The following BTC variants were observed in gnomAD, a reference collection of about 807,000 sequenced individuals.
BTC encodes the protein betacellulin, also known as probetacellulin.
BTC carries 13 observed loss-of-function variants against 18.1 expected under a neutral mutation model. The observed-to-expected ratio is 0.72, with a 90% CI of 0.47 to 1.14. The LOEUF (loss-of-function observed/expected upper bound fraction) is 1.14, where lower values mean the gene tolerates loss of function less well. Ranked by LOEUF, BTC falls within the 50% of genes most tolerant of loss-of-function variation. BTC has a pLI of 0.00. For missense variants in BTC, 247 were observed against 224.2 expected, an observed-to-expected ratio of 1.10 and a Z score of -0.65; for synonymous variants, 83 against 79.4, an observed-to-expected ratio of 1.05 and a Z score of -0.24.
At chr4:74,767,100 G>T (rs1407332032) in intron 2 of BTC, among the ~76,000 whole-genome samples, 1 of 143,612 alleles carries the variant, frequency 7.0e-6, no homozygotes, top group Non-Finnish European at 1.6e-5. Context: ...AAAATAGAAG[G>T]AATCTAAATT....
chr4:74,792,901 T>C (rs974764650), intron 1 of BTC, among the ~76,000 whole-genome samples: 22 of 152,216 alleles, frequency 1.4e-4, no homozygotes, highest in African/African-American at 5.1e-4. Flanking sequence ...CATATCCAAA[T>C]TCAGTGCAAG....
At chr4:74,794,007 G>A (rs1725702832) in intron 1 of BTC, among the ~76,000 whole-genome samples, 1 of 152,014 alleles carries the variant, frequency 6.6e-6, no homozygotes, top group South Asian at 2.1e-4. Context: ...CACTGGCAGC[G>A]AGGACCTCGG....
At chr4:74,785,699 C>A (rs1041934814) in intron 1 of BTC, among the ~76,000 whole-genome samples, 1 of 152,182 alleles carries the variant, frequency 6.6e-6, no homozygotes, top group Non-Finnish European at 1.5e-5. Flanking sequence ...CTCACACACC[C>A]TTTACCCACT....
intron 1 of BTC, among the ~76,000 whole-genome samples, chr4:74,772,677 C>A (rs1233093169): frequency 6.6e-6 from 1 of 150,528 alleles, no homozygotes; most frequent in African/African-American, 2.4e-5. Flanking sequence ...AACTCTAAAT[C>A]TCATAGAGAT....
At chr4:74,783,421 C>A (rs1316769092) in intron 1 of BTC, among the ~76,000 whole-genome samples, 3 of 151,882 alleles carry the variant, frequency 2.0e-5, no homozygotes, top group Non-Finnish European at 4.4e-5. Context: ...TCTGTGTGGT[C>A]TTATCTCTGA....
At chr4:74,790,731 A>G (rs1359842641) in intron 1 of BTC, among the ~76,000 whole-genome samples, 1 of 152,200 alleles carries the variant, frequency 6.6e-6, no homozygotes, top group Non-Finnish European at 1.5e-5. Flanking sequence ...CAGGCCAGAC[A>G]CAGTCCAAAA....
intron 1 of BTC, 134 bp from the exon 2 acceptor site, chr4:74,770,290 C>T (rs1384447955): frequency 1.5e-6 from 1 of 674,138 alleles, no homozygotes; most frequent in Non-Finnish European, 2.5e-6. Context: ...GTCACTCACT[C>T]CCAGGAAGGG....
chr4:74,760,404 A>T (rs1724721501), intron 2 of BTC, among the ~76,000 whole-genome samples: 1 of 152,240 alleles, frequency 6.6e-6, no homozygotes, highest in Non-Finnish European at 1.5e-5. Flanking sequence ...GCTTCCAGGC[A>T]TCTTCCCAGT....
At chr4:74,748,495 C>G (rs1724357197) in intron 4 of BTC, among the ~76,000 whole-genome samples, 1 of 151,778 alleles carries the variant, frequency 6.6e-6, no homozygotes, top group Non-Finnish European at 1.5e-5. Context: ...GAGATTGCGC[C>G]ACTGCACTCC....
chr4:74,777,145 G>T (rs1031539847), intron 1 of BTC, among the ~76,000 whole-genome samples: 1 of 152,162 alleles, frequency 6.6e-6, no homozygotes, highest in African/African-American at 2.4e-5. Flanking sequence ...TTGAATCCTA[G>T]ATCTACCTTT....
At chr4:74,747,347 A>G (rs1724319301) in intron 5 of BTC, among the ~76,000 whole-genome samples, 1 of 152,052 alleles carries the variant, frequency 6.6e-6, no homozygotes. Flanking sequence ...GCGAAAGGAG[A>G]GAAAGTTTGG....
intron 1 of BTC, among the ~76,000 whole-genome samples, chr4:74,774,265 A>G (rs1255042962): frequency 6.6e-6 from 1 of 152,188 alleles, no homozygotes; most frequent in African/African-American, 2.4e-5. Flanking sequence ...GTTGTGACTA[A>G]TCAGTGTGTG....
chr4:74,778,979 T>G (rs1725248726), intron 1 of BTC, among the ~76,000 whole-genome samples: 1 of 152,068 alleles, frequency 6.6e-6, no homozygotes, highest in Non-Finnish European at 1.5e-5. Flanking sequence ...AACTGCCTAT[T>G]CTCTAAAACT....
At chr4:74,771,164 T>A (rs1012561975) in intron 1 of BTC, among the ~76,000 whole-genome samples, 1 of 150,618 alleles carries the variant, frequency 6.6e-6, no homozygotes, top group African/African-American at 2.4e-5. Flanking sequence ...GAGGGAAGAA[T>A]AGAAAAAGAA....
chr4:74,757,414 T>A (rs912775690), intron 2 of BTC, among the ~76,000 whole-genome samples: 3 of 152,134 alleles, frequency 2.0e-5, no homozygotes, highest in Non-Finnish European at 4.4e-5. Context: ...TGCTGACTGC[T>A]TGAACTACAT....
intron 2 of BTC, among the ~76,000 whole-genome samples, chr4:74,767,666 A>G (rs1196015121): frequency 1.3e-5 from 2 of 152,108 alleles, no homozygotes; most frequent in Non-Finnish European, 2.9e-5. Flanking sequence ...CCTGGTTTTT[A>G]AATCATCTAC....
Position 74,749,685 on chromosome 4 carries a change from T to TTTG in BTC, c.428+885_428+887dup, listed in dbSNP as rs1188923273. On this transcript the variant is annotated intron_variant, in intron 4 of 5. Coordinates refer to ENST00000395743, the MANE Select transcript of BTC (RefSeq NM_001729.4). Reference sequence around the variant, plus strand: ...ATACCACTTTAATAAGATAGTTTTTTTTGTTGTTGTTGTTGTTGTTGTTGT... The same window carrying TTTG: ...ATACCACTTTAATAAGATAGTTTTTTTTGTTGTTGTTGTTGTTGTTGTTGTTGT... 4.8e-4 allele frequency among the ~76,000 whole-genome samples: 60 copies of TTTG among 124,990 alleles called. No homozygotes were observed. In the South Asian group the frequency reaches 7.8e-3, roughly 16 times the overall value. 82.0% of individuals were successfully genotyped at this position (124,990 alleles called of 152,430 possible).
chr4:74,754,307 G>A (rs111240965), intron 3 of BTC, among the ~76,000 whole-genome samples: 215 of 152,316 alleles, frequency 1.4e-3, no homozygotes, highest in African/African-American at 4.7e-3. Flanking sequence ...TCTGAGGACT[G>A]TGTTTGACAC....
chr4:74,786,271 C>T (rs1295286791), intron 1 of BTC, among the ~76,000 whole-genome samples: 3 of 152,264 alleles, frequency 2.0e-5, no homozygotes, highest in South Asian at 4.2e-4. Flanking sequence ...GCTTTCTGCA[C>T]CAGAAGACAG....
Sources: allele counts gnomAD v4.1 joint callset (sites outside exome capture counted in the v4.1 genomes callset), GRCh38; gene constraint gnomAD v4.1.1; transcripts MANE v1.5; gene names NCBI Gene and HGNC (gene_info 2026-07-23, HGNC 2026-07-21).